Variants in PRKN observed in about 807,000 individuals in gnomAD.
PRKN encodes parkin RBR E3 ubiquitin protein ligase.
In PRKN, 56 loss-of-function variants were observed where a neutral mutation model predicts 59.5. The ratio of observed to expected loss-of-function variants is 0.94; its 90% CI spans 0.76 to 1.18. PRKN has a LOEUF of 1.18. PRKN is among the 50% of genes most tolerant of loss of function. The pLI, the probability that PRKN is intolerant of heterozygous loss-of-function variation, is 0.00. For synonymous variants in PRKN, 250 were observed against 222.1 expected (o/e 1.13, Z -1.12); for missense variants, 657 against 596.4 (o/e 1.10, Z -1.06).
At chr6:162,609,808 G>A (rs1782071808) in intron 1 of PRKN, among the ~76,000 whole-genome samples, 1 of 152,072 alleles carries the variant, frequency 6.6e-6, no homozygotes, top group African/African-American at 2.4e-5. Context: ...ATTTCACTAG[G>A]TTAGTACCAG....
At chr6:162,457,185 A>C (rs1338414152) in intron 1 of PRKN, among the ~76,000 whole-genome samples, 1 of 152,202 alleles carries the variant, frequency 6.6e-6, no homozygotes, top group African/African-American at 2.4e-5. Context: ...GAATTTGCAA[A>C]TATGGAACCC....
At chr6:162,080,687 C>T (rs1466983434) in intron 4 of PRKN, among the ~76,000 whole-genome samples, 1 of 152,038 alleles carries the variant, frequency 6.6e-6, no homozygotes, top group East Asian at 1.9e-4. Flanking sequence ...CTGATGGCTG[C>T]AGACTGTTCA....
Position 161,352,484 on chromosome 6 carries a change from AAT to A in PRKN, c.1286-2275_1286-2274del, listed in dbSNP as rs1784587124. 6.6e-6 allele frequency among the ~76,000 whole-genome samples: 1 copy of A among 152,110 alleles called. No individual in the cohort carries two copies. The highest frequency in any genetic ancestry group is 1.9e-4 in the East Asian group (1 of 5,180). On this transcript the variant is annotated intron_variant, in intron 11 of 11. Coordinates refer to ENST00000366898, the MANE Select transcript of PRKN (RefSeq NM_004562.3). The surrounding 1 kb of genome is among the most constrained non-coding windows in gnomAD (Gnocchi z 5.8). ...ATGGTTGTATATTTATGATGTAAAT[AAT>A]ATGTTATATGGTGTGACATTATAAA...
intron 2 of PRKN, among the ~76,000 whole-genome samples, chr6:162,411,960 T>A (rs529068387): frequency 1.3e-5 from 2 of 152,306 alleles, no homozygotes; most frequent in African/African-American, 4.8e-5. Flanking sequence ...AATGTCCAAC[T>A]ATTGAGAAAG....
intron 7 of PRKN, among the ~76,000 whole-genome samples, chr6:161,630,127 T>C (rs767809280): frequency 9.2e-5 from 14 of 152,186 alleles, no homozygotes; most frequent in African/African-American, 3.4e-4. Context: ...TGAAAAGGCA[T>C]AGGTTTTTAC....
intron 10 of PRKN, among the ~76,000 whole-genome samples, chr6:161,365,149 A>G (rs1197700450): frequency 4.8e-5 from 7 of 146,484 alleles, no homozygotes; most frequent in African/African-American, 1.8e-4. Context: ...CAAAAGAGTC[A>G]AAAGAAAGGC....
chr6:161,358,144 T>G (rs1214198119), intron 11 of PRKN, among the ~76,000 whole-genome samples: 1 of 152,244 alleles, frequency 6.6e-6, no homozygotes, highest in African/African-American at 2.4e-5. Context: ...TGGGTGTGTT[T>G]GCCTATTATA....
At chr6:161,926,849 A>G (rs1220326412) in intron 6 of PRKN, among the ~76,000 whole-genome samples, 1 of 140,012 alleles carries the variant, frequency 7.1e-6, no homozygotes, top group Non-Finnish European at 1.5e-5. Context: ...CTGAAGTGGT[A>G]CAACAAGGGC....
intron 5 of PRKN, among the ~76,000 whole-genome samples, chr6:162,028,083 T>A (rs1302696978): frequency 1.3e-5 from 2 of 152,180 alleles, no homozygotes; most frequent in East Asian, 3.8e-4. Context: ...AGAACTGTCA[T>A]GTCATTAGGC....
intron 9 of PRKN, among the ~76,000 whole-genome samples, chr6:161,519,309 G>T (rs1778731993): frequency 6.6e-6 from 1 of 152,122 alleles, no homozygotes; most frequent in African/African-American, 2.4e-5. Context: ...TCCTCATCTA[G>T]TCGAAAATAC....
rs1172309168 is a variant in PRKN, at chr6:161,573,175, C to A, written c.872-3759G>T. On this transcript the variant is annotated intron_variant, in intron 7 of 11. Coordinates refer to ENST00000366898, the MANE Select transcript of PRKN (RefSeq NM_004562.3). ...GCAGCCTACAGCTCAGGGTCCCAGG[C>A]CTGCTGAGATGGAACATTTGAATCT... Among the ~76,000 whole-genome samples the A allele has an allele frequency of 1.1e-4, 16 of 152,140 alleles. 1 individual carries two copies. The South Asian group carries it at 3.3e-3, about 31-fold the overall frequency.
chr6:161,831,803 A>C (rs1562323869), intron 6 of PRKN, among the ~76,000 whole-genome samples: 1 of 151,978 alleles, frequency 6.6e-6, no homozygotes, highest in East Asian at 1.9e-4. Flanking sequence ...AAACAGGGAG[A>C]GGAGGCAGAA....
intron 2 of PRKN, among the ~76,000 whole-genome samples, chr6:162,272,056 G>A (rs1056108517): frequency 1.3e-5 from 2 of 152,096 alleles, no homozygotes; most frequent in Non-Finnish European, 2.9e-5. Context: ...CCCACCACAG[G>A]CCTGAGACCT....
rs1437487763 is a variant in PRKN, at chr6:162,459,301, A to G, written c.8-15828T>C. On this transcript the variant is annotated intron_variant, in intron 1 of 11. Coordinates refer to ENST00000366898, the MANE Select transcript of PRKN (RefSeq NM_004562.3). ...ATAATGGCACTCCCCTGAACTGAAA[A>G]CAGAAGTTATAAATAATATTTAAAA... Among the ~76,000 whole-genome samples, 3 of 152,220 alleles carry G rather than the reference A, an allele frequency of 2.0e-5. No homozygotes were observed. In the East Asian group the frequency reaches 5.8e-4, roughly 29 times the overall value.
At chr6:162,682,317 C>T (rs529181751) in intron 1 of PRKN, among the ~76,000 whole-genome samples, 10 of 152,070 alleles carry the variant, frequency 6.6e-5, no homozygotes, top group African/African-American at 2.2e-4. Context: ...ATAGGTTCAT[C>T]GTAGCACCCT....
At chr6:161,648,764 T>C (rs1175712235) in intron 7 of PRKN, among the ~76,000 whole-genome samples, 2 of 152,102 alleles carry the variant, frequency 1.3e-5, no homozygotes, top group Non-Finnish European at 2.9e-5. Context: ...GTACTAAACT[T>C]AAGCATTCAA....
chr6:162,568,974 A>G (rs1780201809), intron 1 of PRKN: 3 of 675,872 alleles, frequency 4.4e-6, no homozygotes, highest in East Asian at 2.6e-5. Context: ...TGACGAGATC[A>G]ATTTCCTCAG....
intron 6 of PRKN, among the ~76,000 whole-genome samples, chr6:161,823,395 G>A (rs1034014526): frequency 3.3e-5 from 5 of 152,086 alleles, no homozygotes; most frequent in African/African-American, 7.2e-5. Context: ...AAGGCAATGC[G>A]TGGGTGTGGC....
intron 1 of PRKN, among the ~76,000 whole-genome samples, chr6:162,675,545 A>G (rs1188616926): frequency 6.6e-6 from 1 of 152,140 alleles, no homozygotes. Context: ...AACCAAAGTA[A>G]TGACACTTAC....
Sources: allele counts gnomAD v4.1 joint callset (sites outside exome capture counted in the v4.1 genomes callset), GRCh38; gene constraint gnomAD v4.1.1; non-coding constraint Gnocchi (gnomAD v3.1); transcripts MANE v1.5; gene names NCBI Gene and HGNC (gene_info 2026-07-23, HGNC 2026-07-21).